GSE1: variants seen among roughly 807,000 people sequenced by gnomAD.
The protein encoded by GSE1 is Gse1 coiled-coil protein, also known as genetic suppressor element 1.
In GSE1, 32 loss-of-function variants were observed where a neutral mutation model predicts 112.6. The observed-to-expected ratio is 0.28, with a 90% CI of 0.21 to 0.38. The LOEUF (loss-of-function observed/expected upper bound fraction) is 0.38. Among genes scored for constraint, GSE1 ranks in the 10% least tolerant of loss-of-function variants. The probability of loss-of-function intolerance (pLI) is 1.00; values close to 1 mark genes in which losing one functional copy is unlikely to be tolerated. For synonymous variants in GSE1, 1,115 were observed against 735.6 expected, an observed-to-expected ratio of 1.52 and a Z score of -8.35; for missense variants, 2,348 against 1,699.2, an observed-to-expected ratio of 1.38 and a Z score of -6.71.
chr16:85,415,886 C>T (rs560200700), intron 2 of GSE1, among the ~76,000 whole-genome samples: 1 of 152,310 alleles, frequency 6.6e-6, no homozygotes, highest in African/African-American at 2.4e-5. Flanking sequence ...ATGATGGATC[C>T]GTTATCACTT....
chr16:85,609,429 G>A (rs2047864044), upstream of GSE1, among the ~76,000 whole-genome samples: 1 of 152,188 alleles, frequency 6.6e-6, no homozygotes, highest in Admixed American at 6.5e-5. Context: ...GCTTGCTGAA[G>A]GCTTACTGGA....
At chr16:85,400,157 C>T (rs12929971) in intron 2 of GSE1, among the ~76,000 whole-genome samples, 21 of 152,184 alleles carry the variant, frequency 1.4e-4, no homozygotes, top group African/African-American at 5.1e-4. Flanking sequence ...GGCAAAAAAA[C>T]GGAGAATGAT....
At chr16:85,236,089 C>T (rs965105472) in intron 1 of GSE1, among the ~76,000 whole-genome samples, 1 of 152,128 alleles carries the variant, frequency 6.6e-6, no homozygotes, top group Non-Finnish European at 1.5e-5. Flanking sequence ...TCCTCCCTCC[C>T]TGGCTGCCTG....
chr16:85,632,779 C>T (rs1376785893), intron 1 of GSE1, among the ~76,000 whole-genome samples: 1 of 152,116 alleles, frequency 6.6e-6, no homozygotes, highest in Non-Finnish European at 1.5e-5. Context: ...CCCAGCGCCC[C>T]CCCGCCCCAA....
chr16:85,588,805 G>A (rs2046829699), intron 1 of GSE1, among the ~76,000 whole-genome samples: 1 of 152,168 alleles, frequency 6.6e-6, no homozygotes, highest in African/African-American at 2.4e-5. Flanking sequence ...GGAGGGCTGA[G>A]GACAGCCCAG....
At chr16:85,244,456 C>T (rs1476822477) in intron 1 of GSE1, among the ~76,000 whole-genome samples, 2 of 152,144 alleles carry the variant, frequency 1.3e-5, no homozygotes, top group Non-Finnish European at 2.9e-5. Flanking sequence ...CCTCCAGATG[C>T]ATAAGAAAAT....
intron 2 of GSE1, among the ~76,000 whole-genome samples, chr16:85,399,709 C>T (rs984817737): frequency 1.1e-4 from 16 of 152,326 alleles, no homozygotes; most frequent in Non-Finnish European, 2.1e-4. Context: ...ATGCCGCAGA[C>T]AGTGAAACGG....
At chr16:85,592,097 G>T (rs1023768145) in intron 1 of GSE1, among the ~76,000 whole-genome samples, 2 of 152,162 alleles carry the variant, frequency 1.3e-5, no homozygotes, top group African/African-American at 4.8e-5. Flanking sequence ...AGAGCTCCGT[G>T]TGAGGAGGAG....
intron 2 of GSE1, among the ~76,000 whole-genome samples, chr16:85,380,926 T>G (rs1222900909): frequency 6.6e-6 from 1 of 152,194 alleles, no homozygotes; most frequent in South Asian, 2.1e-4. Context: ...TTGCAATGCG[T>G]GTTACTTTAA....
rs145961876 is a variant in GSE1, at chr16:85,213,693, C to T, written c.2283+41886C>T. Among the ~76,000 whole-genome samples the T allele has an allele frequency of 3.4e-3, 516 of 152,376 alleles. 3 individuals carry two copies. Among genetic ancestry groups the T allele is most frequent in the African/African-American group, 0.012 (479 of 41,588 alleles). ...GACACCCCCAGCCCAGAGTCTAGAGCCTGGACTCACACGCATCAGGGGTGC... is the reference window on the plus strand; with the variant it reads ...GACACCCCCAGCCCAGAGTCTAGAGTCTGGACTCACACGCATCAGGGGTGC... On this transcript the variant is annotated intron_variant, in intron 1 of 2. Coordinates refer to the GSE1 transcript ENST00000637419.
chr16:85,636,153 TCCCCCATGGTGGATGC>T (rs925690659), intron 2 of GSE1, among the ~76,000 whole-genome samples: 1 of 151,952 alleles, frequency 6.6e-6, no homozygotes, highest in African/African-American at 2.4e-5. Flanking sequence ...CTGGGAAGGG[TCCCCCATGGTGGATGC>T]CCCCCAGGAA....
At position 85,514,426 on chromosome 16, in the gene GSE1, TCCC is replaced by T. The variant is rs576261000; in HGVS notation, c.2465-119480_2465-119478del. Among the ~76,000 whole-genome samples the T allele has an allele frequency of 2.2e-4, 13 of 58,956 alleles. 3 individuals carry two copies. The East Asian group carries it at 3.9e-3, about 18-fold the overall frequency. 38.7% of individuals were successfully genotyped at this position (58,956 alleles called of 152,430 possible). ...CCCAGGATGCCCGCATGCTCTCGAG[TCCC>T]CCCCCCCACCCCAGGGCAGCTCCTG... On this transcript the variant is annotated intron_variant, in intron 2 of 2. Coordinates refer to the GSE1 transcript ENST00000637419.
intron 1 of GSE1, among the ~76,000 whole-genome samples, chr16:85,286,583 G>A (rs763912603): frequency 1.3e-5 from 2 of 152,210 alleles, no homozygotes; most frequent in Non-Finnish European, 2.9e-5. Flanking sequence ...TAAATTAAGA[G>A]TGGGCCGGTC....
intron 2 of GSE1, among the ~76,000 whole-genome samples, chr16:85,485,570 C>T (rs1053304219): frequency 6.6e-6 from 1 of 152,240 alleles, no homozygotes; most frequent in South Asian, 2.1e-4. Context: ...CCGCCGCCGC[C>T]GCGTTAAGGA....
chr16:85,197,559 A>C (rs1194024805), intron 1 of GSE1, among the ~76,000 whole-genome samples: 1 of 152,202 alleles, frequency 6.6e-6, no homozygotes, highest in Admixed American at 6.5e-5. Flanking sequence ...TGGTTCCAGA[A>C]GATGGGTCCT....
At chr16:85,534,205 T>C (rs535767784) in intron 2 of GSE1, among the ~76,000 whole-genome samples, 1 of 150,850 alleles carries the variant, frequency 6.6e-6, no homozygotes, top group South Asian at 2.1e-4. Flanking sequence ...CACTGCAACC[T>C]CCACCTCCCA....
intron 1 of GSE1, among the ~76,000 whole-genome samples, chr16:85,604,762 A>T (rs2047614059): frequency 1.4e-3 from 8 of 5,634 alleles, no homozygotes; most frequent in African/African-American, 6.0e-3. Context: ...AAAAAAAAAA[A>T]AAAAAAAAAA....
At chr16:85,657,714 G>A in intron 8 of GSE1, 110 bp downstream of exon 8, 1 of 698,244 alleles carries the variant, frequency 1.4e-6, no homozygotes, top group Non-Finnish European at 2.2e-6. Flanking sequence ...GTTTCTGCCT[G>A]CCTCTTTCAT....
At chr16:85,562,814 C>T (rs1213425751) in intron 1 of GSE1, among the ~76,000 whole-genome samples, 1 of 152,116 alleles carries the variant, frequency 6.6e-6, no homozygotes, top group Non-Finnish European at 1.5e-5. Context: ...GATGAGATCA[C>T]AGCGGTCAGG....
Sources: allele counts gnomAD v4.1 joint callset (sites outside exome capture counted in the v4.1 genomes callset), GRCh38; gene constraint gnomAD v4.1.1; transcripts MANE v1.5; gene names NCBI Gene and HGNC (gene_info 2026-07-23, HGNC 2026-07-21).